USP47: variants seen among roughly 807,000 people sequenced by gnomAD.
The protein encoded by USP47 is ubiquitin specific peptidase 47, also known as ubiquitin carboxyl-terminal hydrolase 47.
In USP47, 35 loss-of-function variants were observed where a neutral mutation model predicts 165.1. The ratio of observed to expected loss-of-function variants is 0.21; its 90% CI spans 0.16 to 0.28. USP47 has a LOEUF of 0.28. Among genes scored for constraint, USP47 ranks in the 10% least tolerant of loss-of-function variants. The pLI is 1.00. For missense variants in USP47, 1,277 were observed against 1,607.4 expected (o/e 0.79, Z 3.52); for synonymous variants, 531 against 544.5 (o/e 0.98, Z 0.35).
At position 11,899,851 on chromosome 11, in the gene USP47, C is replaced by T. The variant is rs751121334; in HGVS notation, c.593+2158C>T. Among the ~76,000 whole-genome samples, 5 of 152,224 alleles carry T rather than the reference C, an allele frequency of 3.3e-5. 1 individual carries two copies. In the South Asian group the frequency reaches 1.0e-3, roughly 32 times the overall value. On this transcript the variant is annotated intron_variant, in intron 5 of 27. Transcript: ENST00000527733. ...CAGGTGGGGAAACAAAGCCTGAGAGCACTCATGATGTTTCTTAATGTAGAA... is the reference window on the plus strand; with the variant it reads ...CAGGTGGGGAAACAAAGCCTGAGAGTACTCATGATGTTTCTTAATGTAGAA...
chr11:11,900,591 T>TA (rs1488923991), intron 5 of USP47, among the ~76,000 whole-genome samples: 2 of 152,204 alleles, frequency 1.3e-5, no homozygotes, highest in African/African-American at 4.8e-5. Flanking sequence ...ATTTGAAAGA[T>TA]AGAGAACCCC....
chr11:11,892,067 A>T lies in USP47; in HGVS notation c.457A>T (p.Ser153Cys). Residue 153 changes from serine (S) to cysteine (C), a missense_variant, in exon 4 of 28, where the codon AGC (serine) becomes TGC (cysteine). Ser to Cys is a moderately radical substitution (Grantham distance 112, BLOSUM62 -1). Transcript: ENST00000527733. ...TTCTACCAGTGATTATGTCAGCCAA[A>T]GCTACTCCTACTCATCTATTTTGAA... ...GGSTSDYVSQ[S>C]YSYSSILNKS... 6.2e-7 allele frequency: 1 copy of T among 1,613,896 alleles called. No individual in the cohort carries two copies. Among genetic ancestry groups the T allele is most frequent in the Non-Finnish European group, 8.5e-7 (1 of 1,179,858 alleles).
At chr11:11,944,466 T>C (rs1470622997) in intron 20 of USP47, among the ~76,000 whole-genome samples, 1 of 152,122 alleles carries the variant, frequency 6.6e-6, no homozygotes, top group Non-Finnish European at 1.5e-5. Context: ...CAGAACAAAA[T>C]AGAGGGAAAT....
chr11:11,952,715 G>C lies in USP47; in HGVS notation c.3584-26G>C, dbSNP rs148547540. On this transcript the variant is annotated intron_variant, in intron 24 of 27. Coordinates refer to ENST00000527733, the MANE Select transcript of USP47 (RefSeq NM_001282659.2). ...TATGAACCTTCAGAGGAAATAGAAT[G>C]ATGACCTAATCTTGCATATTCTTAG... is the stretch of plus-strand genomic sequence containing the variant. 121 of 1,559,842 alleles carry C rather than the reference G, an allele frequency of 7.8e-5. No homozygotes were observed. The African/African-American group carries it at 1.3e-3, about 17-fold the overall frequency.
chr11:11,958,990 G>A lies in USP47; in HGVS notation c.*2815G>A, dbSNP rs1847338289. The A allele has an allele frequency of 6.6e-6, 1 of 152,182 alleles. No individual in the cohort carries two copies. The highest frequency in any genetic ancestry group is 1.5e-5 in the Non-Finnish European group (1 of 68,030). 9.4% of individuals were successfully genotyped at this position (152,182 alleles called of 1,614,324 possible). A position where few individuals can be genotyped will look rare whatever the true frequency, so the allele number is the denominator to read the frequency against. On this transcript the variant is annotated 3_prime_UTR_variant, in exon 28 of 28. Transcript: ENST00000527733. ...GGTTGCCAGGCCACAGTTAGGAATTGTATTGTGATACATCTAGAGGCCAAG... is the reference window on the plus strand; with the variant it reads ...GGTTGCCAGGCCACAGTTAGGAATTATATTGTGATACATCTAGAGGCCAAG...
At chr11:11,863,197 G>C (rs541039143) in intron 1 of USP47, among the ~76,000 whole-genome samples, 1 of 152,246 alleles carries the variant, frequency 6.6e-6, no homozygotes, top group Admixed American at 6.5e-5. Context: ...AAATTGACGA[G>C]TCATGGGAAA....
chr11:11,911,216 C>T (rs1337667853), intron 8 of USP47, among the ~76,000 whole-genome samples: 1 of 151,998 alleles, frequency 6.6e-6, no homozygotes, highest in South Asian at 2.1e-4. Context: ...AATATATATC[C>T]TCAAGGACTT....
intron 3 of USP47, among the ~76,000 whole-genome samples, chr11:11,891,230 C>G (rs1166912658): frequency 6.6e-6 from 1 of 152,212 alleles, no homozygotes; most frequent in Non-Finnish European, 1.5e-5. Flanking sequence ...CACTCTTTTA[C>G]AGGCTGAGAC....
In USP47 at chr11:11,897,712, T is replaced by A; in HGVS notation, c.593+19T>A. The A allele has an allele frequency of 6.7e-7, 1 of 1,482,422 alleles. No individual in the cohort carries two copies. Among genetic ancestry groups the A allele is most frequent in the Non-Finnish European group, 9.2e-7 (1 of 1,081,304 alleles). 91.8% of individuals were successfully genotyped at this position (1,482,422 alleles called of 1,614,324 possible). Reference sequence around the variant, plus strand: ...TATATAAGTGAGTATTCAAAAAAATTGTATACATAAAATTGATTTAAGAAT... The same window carrying A: ...TATATAAGTGAGTATTCAAAAAAATAGTATACATAAAATTGATTTAAGAAT... On this transcript the variant is annotated intron_variant, in intron 5 of 27. Transcript: ENST00000527733.
intron 1 of USP47, among the ~76,000 whole-genome samples, chr11:11,867,592 ATTTAT>A (rs1271534258): frequency 6.6e-6 from 1 of 152,168 alleles, no homozygotes; most frequent in Non-Finnish European, 1.5e-5. Flanking sequence ...CATGTTAAAC[ATTTAT>A]TTTATAATGT....
intron 1 of USP47, among the ~76,000 whole-genome samples, chr11:11,845,860 T>G (rs1321146446): frequency 6.6e-6 from 1 of 152,216 alleles, no homozygotes; most frequent in African/African-American, 2.4e-5. Flanking sequence ...GAGAGAAGTC[T>G]AGATCTCTAT....
chr11:11,895,639 G>A (rs1306966880), intron 4 of USP47, among the ~76,000 whole-genome samples: 3 of 152,162 alleles, frequency 2.0e-5, no homozygotes, highest in Non-Finnish European at 4.4e-5. Flanking sequence ...CTGGTAGCCA[G>A]CCACTGTTGA....
intron 20 of USP47, among the ~76,000 whole-genome samples, chr11:11,946,211 T>A (rs1855828295): frequency 6.6e-6 from 1 of 152,218 alleles, no homozygotes; most frequent in Non-Finnish European, 1.5e-5. Flanking sequence ...TAAATACTAT[T>A]ACCTGTATTT....
At position 11,877,848 on chromosome 11, in the gene USP47, TGTGTGTGTGTGCGC is replaced by T. The variant is rs781748050; in HGVS notation, c.40-2327_40-2314del. Reference sequence around the variant, plus strand: ...GTGTGTGTGTGTGTGTGTGTGTGTGTGTGTGTGTGTGCGCGCGCGCAGATAAGATATTTGGAAGG... The same window carrying T: ...GTGTGTGTGTGTGTGTGTGTGTGTGTGCGCGCAGATAAGATATTTGGAAGG... On this transcript the variant is annotated intron_variant, in intron 1 of 27. Coordinates refer to ENST00000527733, the MANE Select transcript of USP47 (RefSeq NM_001282659.2). Among the ~76,000 whole-genome samples, 11 of 84,418 alleles carry T rather than the reference TGTGTGTGTGTGCGC, an allele frequency of 1.3e-4. 1 individual carries two copies. The highest frequency in any genetic ancestry group is 4.2e-4 in the East Asian group (1 of 2,364). The allele number at this position is 84,418 out of a possible 152,430, so 55.4% of individuals were successfully genotyped here.
Position 11,942,388 on chromosome 11 carries a change from T to C in USP47, c.2367T>C (p.Ser789=). ...ATTACCAGATGGCCTTTGCAGACTC[T>C]CATTTATGGAAACTCCTGGATCGGC... The part of the protein sequence containing the change: ...TLDYQMAFAD[S]HLWKLLDRHA... Residue 789 remains serine, a synonymous_variant, in exon 20 of 28, where the codon TCT becomes TCC. Transcript: ENST00000527733. 1 of 1,613,094 alleles carries C rather than the reference T, an allele frequency of 6.2e-7. No homozygotes were observed. Among genetic ancestry groups the C allele is most frequent in the East Asian group, 2.2e-5 (1 of 44,874 alleles).
At chr11:11,905,630 G>A in intron 8 of USP47, 82 bp downstream of exon 8, 3 of 1,330,122 alleles carry the variant, frequency 2.3e-6, no homozygotes, top group South Asian at 3.9e-5. Context: ...TGTAAGGTAA[G>A]TATCATCCTA....
intron 11 of USP47, among the ~76,000 whole-genome samples, chr11:11,925,232 T>C (rs189992700): frequency 1.3e-5 from 2 of 151,780 alleles, no homozygotes; most frequent in East Asian, 3.9e-4. Context: ...CTCAGCCTCC[T>C]GAGTAGCTGG....
intron 1 of USP47, among the ~76,000 whole-genome samples, chr11:11,860,285 G>T (rs1849306735): frequency 6.6e-6 from 1 of 151,736 alleles, no homozygotes; most frequent in Non-Finnish European, 1.5e-5. Flanking sequence ...CTGAGCGGAG[G>T]ATATATTTAC....
intron 16 of USP47, 106 bp from the exon 17 acceptor site, chr11:11,936,192 CTATTG>C (rs1384092903): frequency 2.1e-6 from 1 of 469,512 alleles, no homozygotes; most frequent in Non-Finnish European, 3.1e-6. Flanking sequence ...TTGTTAGGGC[CTATTG>C]TAATGTTATT....
Sources: gnomAD v4.1 joint callset for allele counts (sites outside exome capture counted in the v4.1 genomes callset) on GRCh38, gnomAD v4.1.1 for gene constraint, MANE v1.5 for transcripts, NCBI Gene and HGNC (gene_info 2026-07-23, HGNC 2026-07-21) for gene names.